The following RAD51D variants were observed in gnomAD, a reference collection of about 807,000 sequenced individuals.
RAD51D encodes DNA repair protein RAD51 homolog 4.
Under a neutral mutation model 44.1 loss-of-function variants are expected in RAD51D, and 38 were observed. The observed-to-expected ratio is 0.86, with a 90% CI of 0.67 to 1.13. The LOEUF is 1.13. RAD51D is among the 50% of genes most tolerant of loss of function. The pLI, the probability that RAD51D is intolerant of heterozygous loss-of-function variation, is 0.00. For synonymous variants in RAD51D, 141 were observed against 166.6 expected, an observed-to-expected ratio of 0.85 and a Z score of 1.18; for missense variants, 390 against 414.0, an observed-to-expected ratio of 0.94 and a Z score of 0.50.
rs1411626456 is a variant in RAD51D, at chr17:35,092,319, A to G, written c.*8634T>C. 1.3e-5 allele frequency: 2 copies of G among 152,248 alleles called. No individual in the cohort carries two copies. Among genetic ancestry groups the G allele is most frequent in the African/African-American group, 4.8e-5 (2 of 41,470 alleles). The allele number at this position is 152,248 out of a possible 1,614,324, so 9.4% of individuals were successfully genotyped here. ...CCTTTCCCCAAACAGTTGTGAAAAA[A>G]TAAATCATATTATTTCTTTTATTAG... On this transcript the variant is annotated 3_prime_UTR_variant, in exon 10 of 10. Coordinates refer to ENST00000345365, the MANE Select transcript of RAD51D (RefSeq NM_002878.4).
At chr17:35,106,080 C>T in intron 6 of RAD51D, 1 of 530,706 alleles carries the variant, frequency 1.9e-6, no homozygotes, top group Non-Finnish European at 3.7e-6. Context: ...CTTCAAGTCT[C>T]TGTCAGACAA....
chr17:35,119,837 G>A lies in RAD51D; in HGVS notation c.-224C>T, dbSNP rs1365086686. Reference sequence around the variant, plus strand: ...TTCCCGCGCCCAGAGCCCGCCCGCCGGGTCGCGCCGCGCTGCCGCTTCCGG... The same window carrying A: ...TTCCCGCGCCCAGAGCCCGCCCGCCAGGTCGCGCCGCGCTGCCGCTTCCGG... On this transcript the variant is annotated 5_prime_UTR_variant, in exon 1 of 10. Transcript: ENST00000345365. 4.4e-6 allele frequency: 3 copies of A among 675,114 alleles called. No homozygotes were observed. The highest frequency in any genetic ancestry group is 5.4e-6 in the Non-Finnish European group (2 of 371,666). The allele number at this position is 675,114 out of a possible 1,614,324, so 41.8% of individuals were successfully genotyped here.
rs1387147412 is a variant in RAD51D, at chr17:35,092,662, C to A, written c.*8291G>T. 3 of 152,116 alleles carry A rather than the reference C, an allele frequency of 2.0e-5. No homozygotes were observed. Among genetic ancestry groups the A allele is most frequent in the African/African-American group, 7.2e-5 (3 of 41,396 alleles). The allele number at this position is 152,116 out of a possible 1,614,324, so 9.4% of individuals were successfully genotyped here. ...AAATCACCATTCCATTTCACCAGCACCCCTACCAACCTCTCTGGATCTAAT... is the reference window on the plus strand; with the variant it reads ...AAATCACCATTCCATTTCACCAGCAACCCTACCAACCTCTCTGGATCTAAT... On this transcript the variant is annotated 3_prime_UTR_variant, in exon 10 of 10. Coordinates refer to ENST00000345365, the MANE Select transcript of RAD51D (RefSeq NM_002878.4).
intron 5 of RAD51D, 39 bp downstream of exon 5, chr17:35,106,949 G>A (rs769338992): frequency 7.4e-6 from 12 of 1,614,012 alleles, no homozygotes; most frequent in Non-Finnish European, 1.0e-5. Context: ...GGGTTTTCCT[G>A]TGTCAGAATC....
intron 3 of RAD51D, chr17:35,116,879 G>T: frequency 6.4e-7 from 1 of 1,568,306 alleles, no homozygotes; most frequent in Non-Finnish European, 8.7e-7. Flanking sequence ...TGACCGCAGT[G>T]CCTCGTTCAT....
At position 35,100,938 on chromosome 17, in the gene RAD51D, AAAC is replaced by A. The variant is rs745601646; in HGVS notation, c.*12_*14del. 2 of 1,607,012 alleles carry A rather than the reference AAAC, an allele frequency of 1.2e-6. No individual in the cohort carries two copies. On this transcript the variant is annotated 3_prime_UTR_variant, in exon 10 of 10. Transcript: ENST00000345365. ...GGTCCCCAATGCTTCCCTGTTTCCC[AAAC>A]AACAGCACAGGTCATGTCTGATCAC...
Position 35,099,584 on chromosome 17 carries a change from A to G in RAD51D, c.*1369T>C, listed in dbSNP as rs895730091. The G allele has an allele frequency of 2.9e-6, 1 of 346,480 alleles. No individual in the cohort carries two copies. The highest frequency in any genetic ancestry group is 2.1e-5 in the African/African-American group (1 of 46,734). The allele number at this position is 346,480 out of a possible 1,614,324, so 21.5% of individuals were successfully genotyped here. A position where few individuals can be genotyped will look rare whatever the true frequency, so the allele number is the denominator to read the frequency against. On this transcript the variant is annotated 3_prime_UTR_variant, in exon 10 of 10. Transcript: ENST00000345365. ...TTACCAACCCTGTCCTGAATCCAAC[A>G]CCCTGGTGCCAGTTTGCCACTCCTT...
intron 8 of RAD51D, among the ~76,000 whole-genome samples, chr17:35,101,708 C>T (rs1051067017): frequency 6.6e-6 from 1 of 152,222 alleles, no homozygotes; most frequent in African/African-American, 2.4e-5. Context: ...CACGCCCAGA[C>T]ACTCAGCCTT....
chr17:35,108,497 TAAAAAAAAAAAAAAAAAAA>T (rs900458144), intron 3 of RAD51D, among the ~76,000 whole-genome samples: 2 of 78,406 alleles, frequency 2.6e-5, no homozygotes, highest in Non-Finnish European at 5.1e-5. Context: ...CTTTTCTCTT[TAAAAAAAAAAAAAAAAAAA>T]AAAAAAAGGA....
chr17:35,109,942 C>T (rs891181006), intron 3 of RAD51D, among the ~76,000 whole-genome samples: 1 of 150,362 alleles, frequency 6.7e-6, no homozygotes, highest in African/African-American at 2.5e-5. Context: ...GCTGGGATTA[C>T]AGGCGTAAGC....
At position 35,118,572 on chromosome 17, in the gene RAD51D, G is replaced by A. The variant is rs1567735397; in HGVS notation, c.192C>T (p.Phe64=). 1.2e-6 allele frequency: 2 copies of A among 1,614,196 alleles called. No homozygotes were observed. The highest frequency in any genetic ancestry group is 1.1e-5 in the South Asian group (1 of 91,080). ...RRVLLAQFSA[F]PVNGADLYEE... The stretch of plus-strand genomic sequence containing the variant: ...CGTAGAGATCAGCGCCATTCACGGG[G>A]AAAGCCGAGAACTGAGCCAGCAGCA... Residue 64 remains phenylalanine, a synonymous_variant, in exon 3 of 10, where the codon TTC becomes TTT. Coordinates refer to ENST00000345365, the MANE Select transcript of RAD51D (RefSeq NM_002878.4).
rs146793849 is a variant in RAD51D, at chr17:35,113,578, T to C, written c.263+4923A>G. The stretch of plus-strand genomic sequence containing the variant: ...GCCACCGTGCCTGGCCCCCAACCAT[T>C]TTAATTCCAGGGACTCCCCATGATT... On this transcript the variant is annotated intron_variant, in intron 3 of 9. Coordinates refer to ENST00000345365, the MANE Select transcript of RAD51D (RefSeq NM_002878.4). 3.9e-3 allele frequency: 1,746 copies of C among 447,858 alleles called. 6 individuals carry two copies. The highest frequency in any genetic ancestry group is 6.8e-3 in the Non-Finnish European group (1,507 of 222,438). The allele number at this position is 447,858 out of a possible 1,614,324, so 27.7% of individuals were successfully genotyped here. A position where few individuals can be genotyped will look rare whatever the true frequency, so the allele number is the denominator to read the frequency against.
chr17:35,106,154 G>C (rs753482951), intron 6 of RAD51D: 4 of 683,654 alleles, frequency 5.9e-6, no homozygotes, highest in South Asian at 2.7e-5. Context: ...ACATAAATAT[G>C]ACATGATCCT....
At chr17:35,104,039 C>T (rs1397377271) in intron 6 of RAD51D, among the ~76,000 whole-genome samples, 1 of 152,162 alleles carries the variant, frequency 6.6e-6, no homozygotes, top group Non-Finnish European at 1.5e-5. Flanking sequence ...GATCACACCG[C>T]TGCATTCCAG....
Position 35,099,854 on chromosome 17 carries a change from A to ACCAGAAACATACACGT in RAD51D, c.*1098_*1099insACGTGTATGTTTCTGG. The ACCAGAAACATACACGT allele has an allele frequency of 2.0e-6, 1 of 510,192 alleles. No homozygotes were observed. Among genetic ancestry groups the ACCAGAAACATACACGT allele is most frequent in the Non-Finnish European group, 3.8e-6 (1 of 260,428 alleles). The allele number at this position is 510,192 out of a possible 1,614,324, so 31.6% of individuals were successfully genotyped here. A position where few individuals can be genotyped will look rare whatever the true frequency, so the allele number is the denominator to read the frequency against. ...TCTTCGTCCCCTCCCAGCCAGGGTC[A>ACCAGAAACATACACGT]TGGCTCTCAGACGGATGGCCACAGT... On this transcript the variant is annotated 3_prime_UTR_variant, in exon 10 of 10. Transcript: ENST00000345365.
rs888743561 is a variant in RAD51D, at chr17:35,093,225, T to C, written c.*7728A>G. On this transcript the variant is annotated 3_prime_UTR_variant, in exon 10 of 10. Transcript: ENST00000345365. ...TCCTAAAACAACTCTATGAAACAGATATTATTTTTCCCATTTCACGGTGGA... is the reference window on the plus strand; with the variant it reads ...TCCTAAAACAACTCTATGAAACAGACATTATTTTTCCCATTTCACGGTGGA... 2 of 152,242 alleles carry C rather than the reference T, an allele frequency of 1.3e-5. No homozygotes were observed. Among genetic ancestry groups the C allele is most frequent in the African/African-American group, 4.8e-5 (2 of 41,460 alleles). The allele number at this position is 152,242 out of a possible 1,614,324, so 9.4% of individuals were successfully genotyped here. A position where few individuals can be genotyped will look rare whatever the true frequency, so the allele number is the denominator to read the frequency against.
At position 35,097,606 on chromosome 17, in the gene RAD51D, G is replaced by A. The variant is rs553357412; in HGVS notation, c.*3347C>T. 3.3e-5 allele frequency: 5 copies of A among 151,652 alleles called. No individual in the cohort carries two copies. The South Asian group carries it at 1.0e-3, about 31-fold the overall frequency. The allele number at this position is 151,652 out of a possible 1,614,324, so 9.4% of individuals were successfully genotyped here. A position where few individuals can be genotyped will look rare whatever the true frequency, so the allele number is the denominator to read the frequency against. ...CAGGTCTCAAACCACCCCCGCAGGGGAAATTGAAAGTTGACGCTTTATGGA... is the reference window on the plus strand; with the variant it reads ...CAGGTCTCAAACCACCCCCGCAGGGAAAATTGAAAGTTGACGCTTTATGGA... On this transcript the variant is annotated 3_prime_UTR_variant, in exon 10 of 10. Coordinates refer to ENST00000345365, the MANE Select transcript of RAD51D (RefSeq NM_002878.4).
chr17:35,109,020 C>T (rs973582098), intron 3 of RAD51D, among the ~76,000 whole-genome samples: 2 of 152,070 alleles, frequency 1.3e-5, no homozygotes, highest in African/African-American at 4.8e-5. Context: ...GCGCCCACCA[C>T]CACACCTGGA....
At chr17:35,118,806 G>A (rs1313947950) in intron 2 of RAD51D, among the ~76,000 whole-genome samples, 187 bp from the exon 3 acceptor site, 7 of 152,190 alleles carry the variant, frequency 4.6e-5, no homozygotes, top group East Asian at 3.9e-4. Flanking sequence ...GCAGTAGCAC[G>A]ATCTCGGCTC....
Sources: gnomAD v4.1 joint callset for allele counts (sites outside exome capture counted in the v4.1 genomes callset) on GRCh38, gnomAD v4.1.1 for gene constraint, MANE v1.5 for transcripts, NCBI Gene and HGNC (gene_info 2026-07-23, HGNC 2026-07-21) for gene names.